Variants in ZPLD1 observed in about 807,000 individuals in gnomAD.
The protein encoded by ZPLD1 is zona pellucida-like domain-containing protein 1.
Under a neutral mutation model 47.2 loss-of-function variants are expected in ZPLD1, and 34 were observed. That is an observed-to-expected ratio of 0.72 (90% CI 0.55 to 0.96). The LOEUF is 0.96. Ranked by LOEUF, ZPLD1 falls within the 40% of genes least tolerant of loss-of-function variation. The pLI is 0.00. For synonymous variants in ZPLD1, 176 were observed against 186.2 expected, an observed-to-expected ratio of 0.95 and a Z score of 0.45; for missense variants, 512 against 505.8, an observed-to-expected ratio of 1.01 and a Z score of -0.12.
At chr3:102,431,511 G>GTGCAA (rs1369824910), upstream of ZPLD1, among the ~76,000 whole-genome samples, 1 of 152,086 alleles carries the variant, frequency 6.6e-6, no homozygotes, top group Non-Finnish European at 1.5e-5. Context: ...TGACTCTAAT[G>GTGCAA]TGCAAGTGCA....
intron 8 of ZPLD1, among the ~76,000 whole-genome samples, chr3:102,419,166 A>G (rs930220574): frequency 2.2e-4 from 33 of 152,044 alleles, no homozygotes; most frequent in African/African-American, 8.0e-4. Context: ...AACAACAAAG[A>G]GGTTGAATTT....
intron 10 of ZPLD1, 95 bp downstream of exon 10, chr3:102,470,597 GCA>G: frequency 1.1e-6 from 1 of 888,800 alleles, no homozygotes; most frequent in Non-Finnish European, 1.8e-6. Flanking sequence ...TTCCTAAACA[GCA>G]CTAATTAATT....
intron 1 of ZPLD1, among the ~76,000 whole-genome samples, chr3:102,435,637 A>AT (rs60085952): frequency 0.14 from 16,250 of 117,328 alleles, 1,240 homozygotes; most frequent in Non-Finnish European, 0.16. Context: ...CATCATCTTG[A>AT]TTTTTTTTTT....
At chr3:102,425,153 A>G (rs561962525) in intron 8 of ZPLD1, among the ~76,000 whole-genome samples, 1 of 152,050 alleles carries the variant, frequency 6.6e-6, no homozygotes, top group African/African-American at 2.4e-5. Flanking sequence ...TTTATATTTC[A>G]TCTTTGTTTT....
intron 8 of ZPLD1, 37 bp downstream of exon 8, chr3:102,464,288 A>G: frequency 7.3e-7 from 1 of 1,368,842 alleles, no homozygotes; most frequent in Admixed American, 1.7e-5. Context: ...ATTGATACCA[A>G]TGACCCAGTT....
intron 3 of ZPLD1, among the ~76,000 whole-genome samples, chr3:102,443,525 A>G (rs983185168): frequency 6.6e-6 from 1 of 152,186 alleles, no homozygotes; most frequent in Admixed American, 6.6e-5. Context: ...GAGATTCTCA[A>G]TGGAAATTGC....
chr3:102,403,598 C>T (rs1013267505), intron 7 of ZPLD1, among the ~76,000 whole-genome samples: 2 of 151,832 alleles, frequency 1.3e-5, no homozygotes, highest in African/African-American at 4.8e-5. Flanking sequence ...TCTCAGTAAC[C>T]CATTTTTGGG....
At chr3:102,387,258 T>C (rs74644808) in intron 6 of ZPLD1, among the ~76,000 whole-genome samples, 1 of 152,226 alleles carries the variant, frequency 6.6e-6, no homozygotes, top group African/African-American at 2.4e-5. Context: ...ATCATCACAG[T>C]TGATAAAAAC....
chr3:102,456,545 A>ATATCTATCTATCTATC (rs3077584), intron 5 of ZPLD1, among the ~76,000 whole-genome samples, 171 bp downstream of exon 5: 1,499 of 147,124 alleles, frequency 0.01, 17 homozygotes, highest in East Asian at 0.02. Flanking sequence ...TTTATCTATT[A>ATATCTATCTATCTATC]TATCTATCTA....
chr3:102,417,166 C>A (rs1188021491), intron 7 of ZPLD1, among the ~76,000 whole-genome samples: 1 of 151,786 alleles, frequency 6.6e-6, no homozygotes, highest in Non-Finnish European at 1.5e-5. Context: ...AAGGTGTAGG[C>A]CAGTGGAATT....
At chr3:102,407,578 T>C (rs1194334895) in intron 7 of ZPLD1, among the ~76,000 whole-genome samples, 10 of 150,548 alleles carry the variant, frequency 6.6e-5, no homozygotes, top group Admixed American at 1.3e-4. Flanking sequence ...ATTTCAATGA[T>C]TGATTAATTT....
chr3:102,445,132 G>A (rs530881656), intron 3 of ZPLD1, among the ~76,000 whole-genome samples: 3 of 152,228 alleles, frequency 2.0e-5, no homozygotes, highest in East Asian at 3.9e-4. Flanking sequence ...TGCTTCCTCC[G>A]GGTATTAAAC....
At chr3:102,439,269 A>T (rs888209306) in intron 3 of ZPLD1, among the ~76,000 whole-genome samples, 2 of 152,252 alleles carry the variant, frequency 1.3e-5, no homozygotes, top group African/African-American at 4.8e-5. Context: ...TGCCATGCAA[A>T]TGGAATCTCT....
At chr3:102,471,887 A>G (rs1471712286) in intron 10 of ZPLD1, among the ~76,000 whole-genome samples, 1 of 152,214 alleles carries the variant, frequency 6.6e-6, no homozygotes, top group Non-Finnish European at 1.5e-5. Flanking sequence ...CCCAAAAAAG[A>G]GAATAATTCT....
At chr3:102,396,688 G>T (rs904098843) in intron 7 of ZPLD1, among the ~76,000 whole-genome samples, 1 of 152,094 alleles carries the variant, frequency 6.6e-6, no homozygotes, top group Non-Finnish European at 1.5e-5. Context: ...GGTGGCAGAG[G>T]CAGCATTCAG....
Position 102,397,031 on chromosome 3 carries a change from A to G in ZPLD1, c.-157+4806A>G, listed in dbSNP as rs185931577. Among the ~76,000 whole-genome samples, 352 of 152,248 alleles carry G rather than the reference A, an allele frequency of 2.3e-3. 4 individuals carry two copies. Among genetic ancestry groups the G allele is most frequent in the Admixed American group, 3.4e-3 (52 of 15,284 alleles). On this transcript the variant is annotated intron_variant, in intron 7 of 17. Coordinates refer to the ZPLD1 transcript ENST00000491959. ...AAAGTGCTTAGTATTAATTACAGGC[A>G]CACAATAAATTCTACTTAATAAAAA...
intron 7 of ZPLD1, among the ~76,000 whole-genome samples, chr3:102,402,420 TA>T (rs1463138141): frequency 6.6e-6 from 1 of 152,068 alleles, no homozygotes; most frequent in Admixed American, 6.6e-5. Context: ...AACTTTTTTA[TA>T]AAGACTTCAG....
At position 102,455,838 on chromosome 3, in the gene ZPLD1, T is replaced by C. The variant is rs537310870; in HGVS notation, c.328-355T>C. 7.9e-5 allele frequency among the ~76,000 whole-genome samples: 12 copies of C among 152,266 alleles called. No homozygotes were observed. In the South Asian group the frequency reaches 2.3e-3, roughly 29 times the overall value. On this transcript the variant is annotated intron_variant, in intron 4 of 11. Transcript: ENST00000466937. ...CATCAAGAGTTGGAGCCTGGAGATA[T>C]GAAGCTAAAGGGAAAAGGATCATAT...
chr3:102,469,889 C>G (rs950513974), intron 9 of ZPLD1, among the ~76,000 whole-genome samples: 12 of 152,138 alleles, frequency 7.9e-5, no homozygotes, highest in Non-Finnish European at 1.5e-4. Flanking sequence ...CATTATTAAC[C>G]TGAGAAAAAT....
Sources: gnomAD v4.1 joint callset for allele counts (sites outside exome capture counted in the v4.1 genomes callset) on GRCh38, gnomAD v4.1.1 for gene constraint, MANE v1.5 for transcripts, NCBI Gene and HGNC (gene_info 2026-07-23, HGNC 2026-07-21) for gene names.